Variants in CTNND1 observed in about 807,000 individuals in gnomAD.
CTNND1 encodes catenin delta 1.
A neutral mutation model predicts 112.1 loss-of-function variants in CTNND1; 16 were observed. The ratio of observed to expected loss-of-function variants is 0.14; its 90% CI spans 0.10 to 0.22. CTNND1 has a LOEUF of 0.22. CTNND1 is among the 10% of genes least tolerant of loss of function. The probability of loss-of-function intolerance (pLI) is 1.00; values close to 1 mark genes in which losing one functional copy is unlikely to be tolerated. For synonymous variants in CTNND1, 420 were observed against 446.5 expected, an observed-to-expected ratio of 0.94 and a Z score of 0.75; for missense variants, 1,008 against 1,257.0, an observed-to-expected ratio of 0.80 and a Z score of 3.00.
At chr11:57,795,825 T>C in intron 5 of CTNND1, 96 bp downstream of exon 5, 1 of 1,246,274 alleles carries the variant, frequency 8.0e-7, no homozygotes, top group African/African-American at 1.5e-5. Context: ...GGAGGACTGA[T>C]ATGCCATTAT....
At position 57,810,090 on chromosome 11, in the gene CTNND1, G is replaced by A. The variant is rs374496010; in HGVS notation, c.2436-19G>A. ...TGATTTTATATCCAAATTCCGTATG[G>A]TGTTACTTTCCTCCAAAGGAACCGC... On this transcript the variant is annotated intron_variant, in intron 15 of 20. Transcript: ENST00000399050. 1.3e-6 allele frequency: 2 copies of A among 1,576,150 alleles called. No individual in the cohort carries two copies. The highest frequency in any genetic ancestry group is 1.4e-5 in the African/African-American group (1 of 73,264).
intron 11 of CTNND1, 21 bp from the exon 12 acceptor site, chr11:57,806,894 C>A: frequency 6.4e-7 from 1 of 1,573,406 alleles, no homozygotes; most frequent in East Asian, 2.3e-5. Context: ...CCCCTTTTCC[C>A]GCCCTTTTTC....
At position 57,801,837 on chromosome 11, in the gene CTNND1, G is replaced by A. The variant is rs754613241; in HGVS notation, c.1061G>A (p.Arg354His). 7.4e-6 allele frequency: 12 copies of A among 1,614,022 alleles called. No individual in the cohort carries two copies. Among genetic ancestry groups the A allele is most frequent in the Admixed American group, 1.7e-5 (1 of 60,026 alleles). Residue 354 changes from arginine to histidine, a missense_variant, in exon 7 of 21, where the codon CGC (arginine) becomes CAC (histidine). Transcript: ENST00000399050. ...AGTTTAGCAAGCTTGGATAGCCTGC[G>A]CAAAGGAGGGCCTCCACCTCCTAAT... ...RGSLASLDSLRKGGPPPPNWR... is the reference protein window; with the variant it reads ...RGSLASLDSLHKGGPPPPNWR...
At chr11:57,769,232 T>A (rs543559439) in intron 1 of CTNND1, among the ~76,000 whole-genome samples, 1 of 152,090 alleles carries the variant, frequency 6.6e-6, no homozygotes, top group African/African-American at 2.4e-5. Context: ...GGAGAATCGC[T>A]TGAACCCGGG....
intron 3 of CTNND1, among the ~76,000 whole-genome samples, chr11:57,792,357 G>T (rs2060838911): frequency 6.6e-6 from 1 of 152,174 alleles, no homozygotes; most frequent in Non-Finnish European, 1.5e-5. Flanking sequence ...GTTTCCTCTG[G>T]TTTTTCTAGT....
chr11:57,773,035 A>G (rs1953107416), intron 1 of CTNND1, among the ~76,000 whole-genome samples: 1 of 152,196 alleles, frequency 6.6e-6, no homozygotes, highest in Non-Finnish European at 1.5e-5. Context: ...TTGTTCAGGT[A>G]ACTGTATCGT....
At chr11:57,812,065 A>T (rs2063427605) in intron 17 of CTNND1, among the ~76,000 whole-genome samples, 1 of 152,150 alleles carries the variant, frequency 6.6e-6, no homozygotes, top group Non-Finnish European at 1.5e-5. Context: ...GAGAGTCCCA[A>T]GATTGTTACA....
intron 6 of CTNND1, among the ~76,000 whole-genome samples, chr11:57,800,142 A>G (rs1222850627): frequency 2.0e-5 from 3 of 151,844 alleles, no homozygotes; most frequent in African/African-American, 7.3e-5. Context: ...AGTAAGCAGA[A>G]AATTTTTATG....
At chr11:57,785,480 G>A (rs1294100289) in intron 1 of CTNND1, among the ~76,000 whole-genome samples, 1 of 152,098 alleles carries the variant, frequency 6.6e-6, no homozygotes, top group East Asian at 1.9e-4. Flanking sequence ...ATTCCAAATT[G>A]TATTTCTTTA....
intron 7 of CTNND1, 128 bp from the exon 8 acceptor site, chr11:57,803,493 A>C (rs1411708385): frequency 3.3e-6 from 2 of 598,820 alleles, no homozygotes; most frequent in Non-Finnish European, 2.8e-6. Flanking sequence ...CAAAGCTTGA[A>C]TATTACTATA....
chr11:57,790,223 C>G (rs1591417974), intron 2 of CTNND1, among the ~76,000 whole-genome samples: 1 of 151,998 alleles, frequency 6.6e-6, no homozygotes, highest in East Asian at 1.9e-4. Flanking sequence ...GTGCCTACCA[C>G]CATGCCTGGC....
At chr11:57,813,014 C>T (rs552331271) in intron 17 of CTNND1, among the ~76,000 whole-genome samples, 2 of 152,274 alleles carry the variant, frequency 1.3e-5, no homozygotes, top group Middle Eastern at 3.4e-3. Flanking sequence ...CCACTGTGAG[C>T]CTGGTAACTT....
chr11:57,785,693 G>A (rs905541636), intron 1 of CTNND1, among the ~76,000 whole-genome samples: 10 of 151,904 alleles, frequency 6.6e-5, no homozygotes, highest in Admixed American at 3.9e-4. Flanking sequence ...GGGATTACAG[G>A]TGTGCACCAC....
chr11:57,808,611 A>G, intron 14 of CTNND1, 71 bp downstream of exon 14: 2 of 1,341,048 alleles, frequency 1.5e-6, no homozygotes, highest in Non-Finnish European at 2.0e-6. Context: ...GTGCCTAATA[A>G]TTTATTGAAT....
rs115003738 is a variant in CTNND1, at chr11:57,765,254, T to C, written c.-214+3135T>C. Among the ~76,000 whole-genome samples, 628 of 152,260 alleles carry C rather than the reference T, an allele frequency of 4.1e-3. 5 individuals are homozygous for C. Among genetic ancestry groups the C allele is most frequent in the African/African-American group, 0.013 (546 of 41,550 alleles). On this transcript the variant is annotated intron_variant, in intron 1 of 20. Transcript: ENST00000399050. ...AGGTACTGTCTTATCTCTGTATCTTTTTAGCACCTGTCTTAGTGTTTGGTA... is the reference window on the plus strand; with the variant it reads ...AGGTACTGTCTTATCTCTGTATCTTCTTAGCACCTGTCTTAGTGTTTGGTA...
chr11:57,786,866 G>T (rs943121205), intron 1 of CTNND1, among the ~76,000 whole-genome samples: 1 of 152,078 alleles, frequency 6.6e-6, no homozygotes, highest in African/African-American at 2.4e-5. Context: ...GTTTTCCTGT[G>T]ATAGTTGAGA....
At chr11:57,816,080 T>G in intron 20 of CTNND1, 79 bp downstream of exon 20, 1 of 1,303,256 alleles carries the variant, frequency 7.7e-7, no homozygotes, top group South Asian at 1.4e-5. Context: ...ATCACGCTAA[T>G]CTGATCAGGC....
At chr11:57,814,157 G>T in intron 17 of CTNND1, 154 bp from the exon 18 acceptor site, 1 of 619,264 alleles carries the variant, frequency 1.6e-6, no homozygotes, top group Non-Finnish European at 2.9e-6. Context: ...TCTACAAAAA[G>T]CTTAAAAATT....
rs550725258 is a variant in CTNND1, at chr11:57,788,723, C to G, written c.-213-314C>G. ...CCAACAGCAGTTTTTTTCTTTTTCC[C>G]CAATTTGGTTGCTGGAAACAGGGTA... On this transcript the variant is annotated intron_variant, in intron 1 of 20. Coordinates refer to ENST00000399050, the MANE Select transcript of CTNND1 (RefSeq NM_001085458.2). This position sits in a 1 kb window ranked among gnomAD's most constrained non-coding sequence, Gnocchi z 4.1. Among the ~76,000 whole-genome samples, 11 of 152,148 alleles carry G rather than the reference C, an allele frequency of 7.2e-5. No homozygotes were observed. The South Asian group carries it at 2.1e-3, about 29-fold the overall frequency.
Sources: allele counts gnomAD v4.1 joint callset (sites outside exome capture counted in the v4.1 genomes callset), GRCh38; gene constraint gnomAD v4.1.1; non-coding constraint Gnocchi (gnomAD v3.1); transcripts MANE v1.5; gene names NCBI Gene and HGNC (gene_info 2026-07-23, HGNC 2026-07-21).